The following ZNF341 variants were observed in gnomAD, a reference collection of about 807,000 sequenced individuals.
ZNF341 encodes the protein zinc finger protein 341.
In ZNF341, 52 loss-of-function variants were observed where a neutral mutation model predicts 87.7. That is an observed-to-expected ratio of 0.59 (90% CI 0.47 to 0.75). ZNF341 has a LOEUF of 0.75. Ranked by LOEUF, ZNF341 falls within the 30% of genes least tolerant of loss-of-function variation. The pLI is 0.00. For missense variants in ZNF341, 977 were observed against 1,145.9 expected (o/e 0.85, Z 2.13); for synonymous variants, 459 against 472.7 (o/e 0.97, Z 0.38).
intron 12 of ZNF341, among the ~76,000 whole-genome samples, chr20:33,785,743 T>C (rs1191454978): frequency 6.6e-6 from 1 of 152,246 alleles, no homozygotes; most frequent in East Asian, 1.9e-4. Context: ...CGGTCTAGTC[T>C]GCATTCTTCT....
chr20:33,770,923 A>C (rs1300222706), intron 10 of ZNF341, among the ~76,000 whole-genome samples: 1 of 152,088 alleles, frequency 6.6e-6, no homozygotes, highest in Non-Finnish European at 1.5e-5. Context: ...GATGGAGACC[A>C]TCCTGGCTAA....
At chr20:33,783,625 G>C in intron 11 of ZNF341, 107 bp from the exon 12 acceptor site, 1 of 1,505,684 alleles carries the variant, frequency 6.6e-7, no homozygotes, top group Non-Finnish European at 9.1e-7. Flanking sequence ...TAGCCAGAAA[G>C]GAAGGTGTCT....
intron 2 of ZNF341, 146 bp from the exon 3 acceptor site, chr20:33,744,957 G>A (rs533980586): frequency 2.9e-6 from 2 of 695,836 alleles, no homozygotes; most frequent in South Asian, 1.9e-5. Context: ...ATGTCAAGTC[G>A]CAGCATGCCC....
intron 10 of ZNF341, among the ~76,000 whole-genome samples, chr20:33,773,562 C>T (rs918614946): frequency 6.6e-6 from 1 of 152,146 alleles, no homozygotes; most frequent in Non-Finnish European, 1.5e-5. Context: ...CTCTGAGCCT[C>T]GGTTTTCTCC....
rs1218585554 is a variant in ZNF341, at chr20:33,732,002, G to A, written c.-20G>A. ...TAGCCGGGCTTCGGTTCCTGTGGCGGCGACGGCGGCGGCTCCAAGATGGCG... is the reference window on the plus strand; with the variant it reads ...TAGCCGGGCTTCGGTTCCTGTGGCGACGACGGCGGCGGCTCCAAGATGGCG... On this transcript the variant is annotated 5_prime_UTR_variant, in exon 1 of 15. Coordinates refer to ENST00000375200, the MANE Select transcript of ZNF341 (RefSeq NM_001282933.2). This position sits in a 1 kb window ranked among gnomAD's most constrained non-coding sequence, Gnocchi z 4.5. The A allele has an allele frequency of 2.8e-6, 4 of 1,438,702 alleles. No individual in the cohort carries two copies. The highest frequency in any genetic ancestry group is 3.7e-6 in the Non-Finnish European group (4 of 1,091,174). The allele number at this position is 1,438,702 out of a possible 1,614,324, so 89.1% of individuals were successfully genotyped here.
chr20:33,764,818 TTTTTG>T (rs1176640249), intron 8 of ZNF341, among the ~76,000 whole-genome samples: 1 of 151,420 alleles, frequency 6.6e-6, no homozygotes, highest in African/African-American at 2.4e-5. Context: ...TTCTTTCTGT[TTTTTG>T]TTTTGTTTTG....
At chr20:33,748,861 C>A in intron 3 of ZNF341, 62 bp from the exon 4 acceptor site, 2 of 1,521,604 alleles carry the variant, frequency 1.3e-6, no homozygotes, top group Non-Finnish European at 1.8e-6. Flanking sequence ...CACACGCACA[C>A]ATGAGCACAC....
intron 4 of ZNF341, among the ~76,000 whole-genome samples, chr20:33,750,573 C>T (rs968529117): frequency 6.6e-6 from 1 of 152,142 alleles, no homozygotes; most frequent in Non-Finnish European, 1.5e-5. Flanking sequence ...AAGCAATCCT[C>T]CCTGCTCAGC....
Position 33,789,580 on chromosome 20 carries a change from C to T in ZNF341, c.2027C>T (p.Ser676Phe). 2 of 1,614,128 alleles carry T rather than the reference C, an allele frequency of 1.2e-6. No homozygotes were observed. Among genetic ancestry groups the T allele is most frequent in the Non-Finnish European group, 1.7e-6 (2 of 1,180,016 alleles). ...RPDKLKAHIL[S>F]HSGMKLHKCA... Reference sequence around the variant, plus strand: ...GACAAGCTGAAGGCCCACATCCTCTCCCACTCTGGTAAGTGGCTCTTGGGC... The same window carrying T: ...GACAAGCTGAAGGCCCACATCCTCTTCCACTCTGGTAAGTGGCTCTTGGGC... Residue 676 changes from serine to phenylalanine, a missense_variant, in exon 14 of 15, where the codon TCC becomes TTC. This residue lies in a region of ZNF341 where 241 missense variants were observed against 335.0 expected (regional missense o/e 0.72). Coordinates refer to ENST00000375200, the MANE Select transcript of ZNF341 (RefSeq NM_001282933.2).
At chr20:33,744,716 C>T (rs1250255843) in intron 2 of ZNF341, among the ~76,000 whole-genome samples, 3 of 152,044 alleles carry the variant, frequency 2.0e-5, no homozygotes, top group East Asian at 3.9e-4. Flanking sequence ...CTCAGCCTCC[C>T]GAGTAGCTGG....
intron 10 of ZNF341, among the ~76,000 whole-genome samples, chr20:33,778,034 A>T (rs1162326017): frequency 6.6e-6 from 1 of 152,166 alleles, no homozygotes; most frequent in East Asian, 1.9e-4. Context: ...GAGGCATGTG[A>T]TGTTGATTTG....
intron 10 of ZNF341, 44 bp downstream of exon 10, chr20:33,770,336 G>A (rs779959105): frequency 1.4e-6 from 2 of 1,476,584 alleles, no homozygotes; most frequent in South Asian, 1.2e-5. Context: ...ACGGGTGGGT[G>A]GGCAGGGAGC....
At position 33,785,373 on chromosome 20, in the gene ZNF341, C is replaced by A. The variant is rs528419854; in HGVS notation, c.1852+1509C>A. Among the ~76,000 whole-genome samples, 14 of 151,970 alleles carry A rather than the reference C, an allele frequency of 9.2e-5. 1 individual carries two copies. The highest frequency in any genetic ancestry group is 9.2e-4 in the Admixed American group (14 of 15,242). On this transcript the variant is annotated intron_variant, in intron 12 of 14. Transcript: ENST00000375200. ...TTATTTTTATTTTGAGACAGGGTCT[C>A]ACTCTGTCACCCAGGCTGGAGTGCA...
chr20:33,760,066 C>T (rs1227886856), intron 7 of ZNF341, among the ~76,000 whole-genome samples: 2 of 152,228 alleles, frequency 1.3e-5, no homozygotes, highest in African/African-American at 4.8e-5. Flanking sequence ...CTGGTCTACA[C>T]AAGTGCTGTC....
intron 10 of ZNF341, among the ~76,000 whole-genome samples, chr20:33,780,661 C>T (rs1269696727): frequency 5.3e-5 from 8 of 151,724 alleles, no homozygotes; most frequent in African/African-American, 9.7e-5. Context: ...GCGCCTGCCT[C>T]GGCCTCCCGA....
At position 33,770,231 on chromosome 20, in the gene ZNF341, C is replaced by T. The variant is rs200779181; in HGVS notation, c.1561C>T (p.His521Tyr). ...DFPSLYDLGV[H>Y]QYSHSLLPQH... ...CCCCTCGCTGTACGACCTGGGCGTGCACCAGTACTCCCACAGCCTCCTGCC... is the reference window on the plus strand; with the variant it reads ...CCCCTCGCTGTACGACCTGGGCGTGTACCAGTACTCCCACAGCCTCCTGCC... The change falls in exon 10 of 15, where the codon CAC (histidine) becomes TAC (tyrosine). Residue 521 changes from histidine (H) to tyrosine (Y), a missense_variant. His to Tyr is a moderately conservative substitution (Grantham distance 83, BLOSUM62 2). Around this residue, in one of 3 missense-constraint regions of ZNF341, gnomAD observed 241 missense variants for 335.0 expected, o/e 0.72. Transcript: ENST00000375200. The T allele has an allele frequency of 2.4e-5, 39 of 1,613,910 alleles. No individual in the cohort carries two copies.
In ZNF341 at chr20:33,745,250, C is replaced by T. The variant is rs761677624; in HGVS notation, c.290C>T (p.Ser97Leu). 48 of 1,614,092 alleles carry T rather than the reference C, an allele frequency of 3.0e-5. No individual in the cohort carries two copies. Among genetic ancestry groups the T allele is most frequent in the East Asian group, 6.7e-5 (3 of 44,894 alleles). The change falls in exon 3 of 15, where the codon TCG (serine) becomes TTG (leucine). Residue 97 changes from serine to leucine, a missense_variant. Around this residue, in one of 3 missense-constraint regions of ZNF341, gnomAD observed 515 missense variants for 598.2 expected, o/e 0.86. Coordinates refer to ENST00000375200, the MANE Select transcript of ZNF341 (RefSeq NM_001282933.2). The stretch of plus-strand genomic sequence containing the variant: ...GCCACCAACAGCATCTACCCACCTT[C>T]GGCAGCACCCACAGCGGTCCAGCAG... ...SLATNSIYPP[S>L]AAPTAVQQAP...
In ZNF341 at chr20:33,745,266, G is replaced by A. The variant is rs201037697; in HGVS notation, c.306G>A (p.Ala102=). The A allele has an allele frequency of 5.3e-5, 86 of 1,613,422 alleles. No homozygotes were observed. The highest frequency in any genetic ancestry group is 1.6e-4 in the Middle Eastern group (1 of 6,062). The change falls in exon 3 of 15, where the codon GCG becomes GCA. Residue 102 remains alanine (A), a synonymous_variant. Transcript: ENST00000375200. ...SIYPPSAAPT[A]VQQAPTPANR... is the part of the protein sequence containing the mutation. ...ACCCACCTTCGGCAGCACCCACAGCGGTCCAGCAGGCCCCAACTCCTGCCA... is the reference window on the plus strand; with the variant it reads ...ACCCACCTTCGGCAGCACCCACAGCAGTCCAGCAGGCCCCAACTCCTGCCA...
Position 33,753,381 on chromosome 20 carries a change from G to A in ZNF341, c.699G>A (p.Val233=). Residue 233 remains valine (V), a synonymous_variant, in exon 5 of 15, where the codon GTG becomes GTA. Coordinates refer to ENST00000375200, the MANE Select transcript of ZNF341 (RefSeq NM_001282933.2). ...AAAPLAGSGT[V]EIQALGMQPY... is the part of the protein sequence containing the mutation. The stretch of plus-strand genomic sequence containing the variant: ...CGCCCCTGGCTGGGAGTGGAACGGT[G>A]GAGATCCAGGCACTGGGGATGCAGC... 1 of 1,607,550 alleles carries A rather than the reference G, an allele frequency of 6.2e-7. No individual in the cohort carries two copies. Among genetic ancestry groups the A allele is most frequent in the East Asian group, 2.2e-5 (1 of 44,570 alleles).
Sources: gnomAD v4.1 joint callset for allele counts (sites outside exome capture counted in the v4.1 genomes callset) on GRCh38, gnomAD v4.1.1 for gene constraint, gnomAD v4.1.1 regional missense constraint, Gnocchi (gnomAD v3.1) non-coding constraint, MANE v1.5 for transcripts, NCBI Gene and HGNC (gene_info 2026-07-23, HGNC 2026-07-21) for gene names.